The following NOC4L variants were observed in gnomAD, a reference collection of about 807,000 sequenced individuals.
NOC4L encodes nucleolar complex protein 4 homolog.
Under a neutral mutation model 62.8 loss-of-function variants are expected in NOC4L, and 40 were observed. That is an observed-to-expected ratio of 0.64 (90% confidence interval 0.49 to 0.83). The LOEUF (loss-of-function observed/expected upper bound fraction) is 0.83, where lower values mean the gene tolerates loss of function less well. Among genes scored for constraint, NOC4L ranks in the 40% least tolerant of loss-of-function variants. The pLI is 0.00. For synonymous variants in NOC4L, 433 were observed against 299.8 expected (o/e 1.44, Z -4.59); for missense variants, 927 against 701.9 (o/e 1.32, Z -3.62).
chr12:132,145,517 A>G, intron 2 of NOC4L, 42 bp from the exon 3 acceptor site: 4 of 1,350,338 alleles, frequency 3.0e-6, no homozygotes, highest in Non-Finnish European at 3.2e-6. Context: ...AGGGTGGCGT[A>G]TGTGGGCCTC....
chr12:132,152,410 C>A lies in NOC4L; in HGVS notation c.*9C>A. 2 of 1,571,378 alleles carry A rather than the reference C, an allele frequency of 1.3e-6. No homozygotes were observed. The highest frequency in any genetic ancestry group is 4.7e-5 in the East Asian group (2 of 42,764). On this transcript the variant is annotated 3_prime_UTR_variant, in exon 15 of 15. Transcript: ENST00000330579. ...ACTTCACGCTCAGCTGACCCTGGCCCACCTGTGAATAAATCTCAGCTGACC... is the reference window on the plus strand; with the variant it reads ...ACTTCACGCTCAGCTGACCCTGGCCAACCTGTGAATAAATCTCAGCTGACC...
chr12:132,148,385 T>G (rs755474568), intron 7 of NOC4L, among the ~76,000 whole-genome samples: 15 of 152,316 alleles, frequency 9.8e-5, no homozygotes, highest in Non-Finnish European at 1.9e-4. Flanking sequence ...GCCCCCCTCT[T>G]GGCCATGGTC....
At position 132,146,794 on chromosome 12, in the gene NOC4L, C is replaced by T. The variant is rs530854561; in HGVS notation, c.346-487C>T. Among the ~76,000 whole-genome samples the T allele has an allele frequency of 3.3e-5, 5 of 152,248 alleles. No individual in the cohort carries two copies. In the East Asian group the frequency reaches 5.8e-4, roughly 18 times the overall value. ...GAGTCAGAGACAGCTCTGAGACAGC[C>T]GTGTGCTCCTGTCATCCCGCACGAG... On this transcript the variant is annotated intron_variant, in intron 3 of 14. Coordinates refer to ENST00000330579, the MANE Select transcript of NOC4L (RefSeq NM_024078.3).
At chr12:132,150,862 G>T in intron 9 of NOC4L, 119 bp from the exon 10 acceptor site, 1 of 730,634 alleles carries the variant, frequency 1.4e-6, no homozygotes, top group South Asian at 1.6e-5. Flanking sequence ...GTCCGTGGGG[G>T]CTGTGGGAGG....
intron 3 of NOC4L, 43 bp downstream of exon 3, chr12:132,145,708 C>T (rs766290520): frequency 2.2e-6 from 3 of 1,366,336 alleles, no homozygotes; most frequent in Non-Finnish European, 3.1e-6. Context: ...TCCCCTGCAC[C>T]CCAACTCCCA....
intron 4 of NOC4L, 84 bp from the exon 5 acceptor site, chr12:132,147,549 G>A (rs1897769563): frequency 6.5e-7 from 1 of 1,541,578 alleles, no homozygotes. Flanking sequence ...CTGCCTGGGG[G>A]GCTCGATGGG....
Position 132,147,954 on chromosome 12 carries a change from C to T in NOC4L, c.678C>T (p.Val226=), listed in dbSNP as rs139503412. The T allele has an allele frequency of 1.9e-6, 3 of 1,609,632 alleles. No individual in the cohort carries two copies. The highest frequency in any genetic ancestry group is 2.7e-5 in the African/African-American group (2 of 74,852). Residue 226 remains valine (V), a synonymous_variant, in exon 6 of 15, where the codon GTC becomes GTT. Transcript: ENST00000330579. Reference sequence around the variant, plus strand: ...GCCTGCCCCGCCGGGAGCCCACCGTCTCCAGCTTCTATGTGAAGCGGGCGG... The same window carrying T: ...GCCTGCCCCGCCGGGAGCCCACCGTTTCCAGCTTCTATGTGAAGCGGGCGG... The part of the protein sequence containing the change: ...AVSLPRREPT[V]SSFYVKRAEL...
At position 132,151,883 on chromosome 12, in the gene NOC4L, C is replaced by T. The variant is rs1872984394; in HGVS notation, c.1317+63C>T. On this transcript the variant is annotated intron_variant, in intron 13 of 14. Coordinates refer to ENST00000330579, the MANE Select transcript of NOC4L (RefSeq NM_024078.3). ...CCATCCTTCGGCCCCTCAGAAAGCCCAGCTCCCCGTGCCACCTCCCGCATA... is the reference window on the plus strand; with the variant it reads ...CCATCCTTCGGCCCCTCAGAAAGCCTAGCTCCCCGTGCCACCTCCCGCATA... The T allele has an allele frequency of 2.6e-6, 4 of 1,520,416 alleles. No homozygotes were observed. The East Asian group carries it at 7.0e-5, about 26-fold the overall frequency. 94.2% of individuals were successfully genotyped at this position (1,520,416 alleles called of 1,614,324 possible).
intron 3 of NOC4L, among the ~76,000 whole-genome samples, 191 bp downstream of exon 3, chr12:132,145,856 G>A (rs1897697541): frequency 1.3e-5 from 2 of 152,216 alleles, no homozygotes; most frequent in South Asian, 2.1e-4. Context: ...TATTGAAGAC[G>A]CAGAATCCGT....
At chr12:132,145,709 C>A in intron 3 of NOC4L, 44 bp downstream of exon 3, 2 of 1,367,698 alleles carry the variant, frequency 1.5e-6, no homozygotes, top group South Asian at 1.2e-5. Flanking sequence ...CCCCTGCACC[C>A]CAACTCCCAG....
chr12:132,146,684 C>T (rs1313491382), intron 3 of NOC4L, among the ~76,000 whole-genome samples: 2 of 152,188 alleles, frequency 1.3e-5, no homozygotes, highest in African/African-American at 4.8e-5. Context: ...GTGAAAATAA[C>T]CAGTTTCCAC....
intron 1 of NOC4L, 62 bp downstream of exon 1, chr12:132,144,667 C>T (rs1338995623): frequency 3.4e-6 from 5 of 1,454,218 alleles, no homozygotes; most frequent in Non-Finnish European, 4.5e-6. Context: ...GAATGGGGGG[C>T]TGCGGCGGCA....
chr12:132,150,803 C>G (rs1330053315), intron 9 of NOC4L, 178 bp from the exon 10 acceptor site: 1 of 610,860 alleles, frequency 1.6e-6, no homozygotes, highest in African/African-American at 1.8e-5. Flanking sequence ...CCCGATCCCA[C>G]TGCCTCCACC....
chr12:132,145,527 C>T (rs771212561), intron 2 of NOC4L, 32 bp from the exon 3 acceptor site: 17 of 1,487,732 alleles, frequency 1.1e-5, no homozygotes, highest in Non-Finnish European at 1.4e-5. Flanking sequence ...ATGTGGGCCT[C>T]ACGTGGGCTG....
At chr12:132,147,850 G>C in intron 5 of NOC4L, 30 bp from the exon 6 acceptor site, 2 of 1,609,686 alleles carry the variant, frequency 1.2e-6, no homozygotes, top group Non-Finnish European at 1.7e-6. Context: ...CTGGGGGGCG[G>C]CGTCCAGGCA....
Position 132,147,793 on chromosome 12 carries a change from G to T in NOC4L, c.603+11G>T. On this transcript the variant is annotated intron_variant, in intron 5 of 14. Transcript: ENST00000330579. ...GGCCAGCACCCCGAGGTGGGTGATG[G>T]GGTCCTGTCGCCAGCATCATGCTGT... 2.5e-6 allele frequency: 4 copies of T among 1,612,044 alleles called. No homozygotes were observed. In the African/African-American group the frequency reaches 4.0e-5, roughly 16 times the overall value.
In NOC4L at chr12:132,148,731, C is replaced by T. The variant is rs1897823369; in HGVS notation, c.790-53C>T. The T allele has an allele frequency of 3.8e-6, 5 of 1,304,904 alleles. No homozygotes were observed. The Admixed American group carries it at 8.1e-5, about 21-fold the overall frequency. 80.8% of individuals were successfully genotyped at this position (1,304,904 alleles called of 1,614,324 possible). On this transcript the variant is annotated intron_variant, in intron 8 of 14. Transcript: ENST00000330579. Reference sequence around the variant, plus strand: ...CCCAGGGCGGAGGCCTCACCCCGACCCGCCGGCCCCCGCCCACCCGCCCCT... The same window carrying T: ...CCCAGGGCGGAGGCCTCACCCCGACTCGCCGGCCCCCGCCCACCCGCCCCT...
intron 12 of NOC4L, 41 bp downstream of exon 12, chr12:132,151,685 C>CG: frequency 6.2e-7 from 1 of 1,611,602 alleles, no homozygotes; most frequent in Non-Finnish European, 8.5e-7. Context: ...GGAGCTGGGG[C>CG]GGGGGTGCCT....
At position 132,152,344 on chromosome 12, in the gene NOC4L, C is replaced by T. The variant is rs773723447; in HGVS notation, c.1494C>T (p.Ala498=). 1.3e-6 allele frequency: 2 copies of T among 1,570,184 alleles called. No homozygotes were observed. The highest frequency in any genetic ancestry group is 1.7e-6 in the Non-Finnish European group (2 of 1,156,978). Reference sequence around the variant, plus strand: ...CGGTGCCACTGGAGTTTATCCCAGCCCAGGGCCTGCTGGGACGGCCGGGTG... The same window carrying T: ...CGGTGCCACTGGAGTTTATCCCAGCTCAGGGCCTGCTGGGACGGCCGGGTG... ...PEPVPLEFIP[A]QGLLGRPGEL... Residue 498 remains alanine (A), a synonymous_variant, in exon 15 of 15, where the codon GCC becomes GCT. Transcript: ENST00000330579.
Sources: gnomAD v4.1 joint callset for allele counts (sites outside exome capture counted in the v4.1 genomes callset) on GRCh38, gnomAD v4.1.1 for gene constraint, MANE v1.5 for transcripts, NCBI Gene and HGNC (gene_info 2026-07-23, HGNC 2026-07-21) for gene names.